CEP128: variants seen among roughly 807,000 people sequenced by gnomAD.
CEP128 encodes the protein centrosomal protein 128, also known as centrosomal protein 128kDa.
A neutral mutation model predicts 156.7 loss-of-function variants in CEP128; 132 were observed. The ratio of observed to expected loss-of-function variants is 0.84; its 90% CI spans 0.73 to 0.97. The LOEUF (loss-of-function observed/expected upper bound fraction) is 0.97. CEP128 is among the 50% of genes least tolerant of loss of function. The pLI is 0.00. For synonymous variants in CEP128, 469 were observed against 448.9 expected (o/e 1.04, Z -0.57); for missense variants, 1,252 against 1,281.9 (o/e 0.98, Z 0.36).
chr14:80,882,856 T>A (rs1260180345), intron 8 of CEP128, among the ~76,000 whole-genome samples: 1 of 151,938 alleles, frequency 6.6e-6, no homozygotes, highest in Non-Finnish European at 1.5e-5. Context: ...TAAAAACAAT[T>A]GATCTCATGG....
intron 19 of CEP128, among the ~76,000 whole-genome samples, chr14:80,591,513 T>C (rs1462498991): frequency 6.6e-6 from 1 of 152,064 alleles, no homozygotes; most frequent in African/African-American, 2.4e-5. Context: ...AAGCAAATTC[T>C]TAGAGACCTA....
Position 80,607,549 on chromosome 14 carries a change from T to C in CEP128, c.2807-27126A>G, listed in dbSNP as rs537682704. ...AAATGTAAAAGTCTTGCAAGTTCCT[T>C]CACCAAATTCTACATGGATCAAGAT... On this transcript the variant is annotated intron_variant, in intron 19 of 24. Coordinates refer to ENST00000555265, the MANE Select transcript of CEP128 (RefSeq NM_152446.5). 1.5e-4 allele frequency among the ~76,000 whole-genome samples: 23 copies of C among 152,270 alleles called. No individual in the cohort carries two copies. In the South Asian group the frequency reaches 4.8e-3, roughly 32 times the overall value.
At chr14:80,732,525 C>G (rs563860038) in intron 19 of CEP128, among the ~76,000 whole-genome samples, 1 of 119,054 alleles carries the variant, frequency 8.4e-6, no homozygotes, top group Non-Finnish European at 1.8e-5. Flanking sequence ...TGTGTGGTTT[C>G]TCCAATAAAA....
At chr14:80,927,088 G>T (rs1337951370) in intron 2 of CEP128, among the ~76,000 whole-genome samples, 2 of 152,196 alleles carry the variant, frequency 1.3e-5, no homozygotes, top group Non-Finnish European at 1.5e-5. Flanking sequence ...CCACTAGGTG[G>T]CTAGACCCAG....
chr14:80,749,432 G>A (rs551378587), intron 18 of CEP128, among the ~76,000 whole-genome samples: 1 of 152,278 alleles, frequency 6.6e-6, no homozygotes, highest in Non-Finnish European at 1.5e-5. Context: ...ATACACAGTG[G>A]AGTACTATTC....
intron 18 of CEP128, among the ~76,000 whole-genome samples, chr14:80,744,407 T>C (rs1195792229): frequency 6.6e-6 from 1 of 152,092 alleles, no homozygotes; most frequent in Non-Finnish European, 1.5e-5. Flanking sequence ...AAGGGGGCCA[T>C]CATAACAGTT....
chr14:80,570,634 A>AGT lies in CEP128; in HGVS notation c.2856+9738_2856+9739dup, dbSNP rs369737569. 5.9e-3 allele frequency among the ~76,000 whole-genome samples: 895 copies of AGT among 152,024 alleles called. 6 individuals carry two copies. Among genetic ancestry groups the AGT allele is most frequent in the African/African-American group, 0.02 (833 of 41,478 alleles). On this transcript the variant is annotated intron_variant, in intron 20 of 24. Coordinates refer to ENST00000555265, the MANE Select transcript of CEP128 (RefSeq NM_152446.5). ...TCAAAAACAAATTAAAAATTGTGAG[A>AGT]GTGTGTGTGTGTGTATTTTTTCTAC...
chr14:80,485,532 T>C (rs1887143384), downstream of CEP128, among the ~76,000 whole-genome samples: 1 of 151,626 alleles, frequency 6.6e-6, no homozygotes, highest in South Asian at 2.1e-4. Context: ...TTATGAAGTA[T>C]ATGCATACTG....
At chr14:80,730,893 T>G (rs1391208418) in intron 19 of CEP128, among the ~76,000 whole-genome samples, 1 of 152,152 alleles carries the variant, frequency 6.6e-6, no homozygotes, top group Non-Finnish European at 1.5e-5. Flanking sequence ...TAATTGGGCC[T>G]TGAGGCTTGA....
At chr14:80,791,066 A>C (rs1208394288) in intron 14 of CEP128, among the ~76,000 whole-genome samples, 2 of 152,210 alleles carry the variant, frequency 1.3e-5, no homozygotes, top group East Asian at 3.8e-4. Flanking sequence ...TTGTGATTTT[A>C]TTGAGAATTA....
At chr14:80,723,116 G>A (rs1314026848) in intron 19 of CEP128, among the ~76,000 whole-genome samples, 1 of 152,020 alleles carries the variant, frequency 6.6e-6, no homozygotes, top group Non-Finnish European at 1.5e-5. Flanking sequence ...ATGAGCCACC[G>A]CACCCGGCCC....
chr14:80,773,368 T>G (rs1474135140), intron 16 of CEP128, among the ~76,000 whole-genome samples: 1 of 152,120 alleles, frequency 6.6e-6, no homozygotes, highest in Non-Finnish European at 1.5e-5. Context: ...TATATATTCT[T>G]TGATAAAACA....
At chr14:80,508,160 C>G (rs1888071425) in intron 23 of CEP128, among the ~76,000 whole-genome samples, 9 of 152,190 alleles carry the variant, frequency 5.9e-5, no homozygotes, top group Admixed American at 5.9e-4. Flanking sequence ...AGGTGATCCA[C>G]CTGCCTTGGC....
intron 15 of CEP128, among the ~76,000 whole-genome samples, chr14:80,784,569 T>C (rs946232809): frequency 2.0e-5 from 3 of 152,192 alleles, no homozygotes; most frequent in Non-Finnish European, 4.4e-5. Flanking sequence ...AGTCTTTGCC[T>C]TTTATATTTT....
intron 19 of CEP128, among the ~76,000 whole-genome samples, chr14:80,604,465 CT>C (rs1892700915): frequency 6.6e-6 from 1 of 152,130 alleles, no homozygotes; most frequent in South Asian, 2.1e-4. Flanking sequence ...TATAAAGGAT[CT>C]GTCAACAAAT....
intron 19 of CEP128, among the ~76,000 whole-genome samples, chr14:80,622,331 G>C (rs1312284094): frequency 6.6e-6 from 1 of 151,732 alleles, no homozygotes; most frequent in African/African-American, 2.4e-5. Context: ...AGACTTAAAC[G>C]TTAGACCTAA....
chr14:80,684,133 C>T (rs577772200), intron 19 of CEP128, among the ~76,000 whole-genome samples: 19 of 152,036 alleles, frequency 1.2e-4, no homozygotes, highest in African/African-American at 4.1e-4. Context: ...AATATCCATA[C>T]AAAGAACCAA....
chr14:80,880,645 A>G lies in CEP128; in HGVS notation c.645+15073T>C, dbSNP rs1257594277. Among the ~76,000 whole-genome samples the G allele has an allele frequency of 3.3e-5, 5 of 151,608 alleles. No homozygotes were observed. In the East Asian group the frequency reaches 9.6e-4, roughly 29 times the overall value. On this transcript the variant is annotated intron_variant, in intron 8 of 24. Transcript: ENST00000555265. ...GCCAAGGTGGGCGGATCACGAGGTC[A>G]GGAGATCAAGACCATCCTGGCTAAC...
chr14:80,505,125 T>C (rs1268373082), intron 23 of CEP128, 105 bp from the exon 24 acceptor site: 3 of 421,404 alleles, frequency 7.1e-6, no homozygotes, highest in Non-Finnish European at 8.7e-6. Flanking sequence ...CAAGCTATGT[T>C]GTACATGCAC....
Sources: gnomAD v4.1 joint callset for allele counts (sites outside exome capture counted in the v4.1 genomes callset) on GRCh38, gnomAD v4.1.1 for gene constraint, MANE v1.5 for transcripts, NCBI Gene and HGNC (gene_info 2026-07-23, HGNC 2026-07-21) for gene names.